Variants in CLEC1A observed in about 807,000 individuals in gnomAD.
The protein encoded by CLEC1A is C-type lectin domain family 1 member A, also known as C-type lectin-like receptor-1.
CLEC1A carries 34 observed loss-of-function variants against 28.7 expected under a neutral mutation model. That is an observed-to-expected ratio of 1.18 (90% CI 0.90 to 1.57). CLEC1A has a LOEUF of 1.57. CLEC1A is among the 40% of genes most tolerant of loss of function. CLEC1A has a pLI of 0.00. For missense variants in CLEC1A, 385 were observed against 339.5 expected, an observed-to-expected ratio of 1.13 and a Z score of -1.05; for synonymous variants, 116 against 121.0, an observed-to-expected ratio of 0.96 and a Z score of 0.27.
At chr12:10,098,007 G>A (rs1947801692) in intron 1 of CLEC1A, among the ~76,000 whole-genome samples, 1 of 150,148 alleles carries the variant, frequency 6.7e-6, no homozygotes, top group Non-Finnish European at 1.5e-5. Flanking sequence ...TTTAGTAGGA[G>A]AAAGGAAGGA....
chr12:10,071,347 C>T lies in CLEC1A; in HGVS notation c.829G>A (p.Gly277Ser), dbSNP rs1219874628. 5 of 1,613,428 alleles carry T rather than the reference C, an allele frequency of 3.1e-6. No individual in the cohort carries two copies. In the South Asian group the frequency reaches 4.4e-5, roughly 14 times the overall value. ...CAGAGGGCGAATCAGTCACCTTCGC[C>T]TAATGTTTCAGGGGGGACATGGAGG... ...ESLHVPPETL[G>S]EGD The change falls in exon 6 of 6, where the codon GGC becomes AGC. Residue 277 changes from glycine to serine, a missense_variant. Transcript: ENST00000315330.
chr12:10,094,937 G>A (rs1242893254), intron 1 of CLEC1A, among the ~76,000 whole-genome samples: 1 of 152,062 alleles, frequency 6.6e-6, no homozygotes, highest in African/African-American at 2.4e-5. Flanking sequence ...CACTTCCTCT[G>A]GGAACTCGCA....
intron 2 of CLEC1A, among the ~76,000 whole-genome samples, chr12:10,083,550 C>T (rs983722638): frequency 3.3e-5 from 5 of 152,172 alleles, no homozygotes; most frequent in African/African-American, 4.8e-5. Flanking sequence ...CTCACTGCAA[C>T]CTGGATCTAC....
chr12:10,098,202 C>T (rs1947803778), intron 1 of CLEC1A, among the ~76,000 whole-genome samples: 1 of 151,894 alleles, frequency 6.6e-6, no homozygotes, highest in Non-Finnish European at 1.5e-5. Flanking sequence ...TCTTAAGAAC[C>T]TAAAGTGTTC....
intron 1 of CLEC1A, among the ~76,000 whole-genome samples, chr12:10,095,477 A>G (rs1277588007): frequency 6.6e-6 from 1 of 152,146 alleles, no homozygotes; most frequent in African/African-American, 2.4e-5. Context: ...CACATCTTAA[A>G]AAATCATTCT....
intron 2 of CLEC1A, among the ~76,000 whole-genome samples, chr12:10,085,453 G>C (rs971424643): frequency 6.9e-6 from 1 of 144,812 alleles, no homozygotes; most frequent in African/African-American, 2.6e-5. Context: ...GGTGGAAAAA[G>C]ATATTCCACG....
At chr12:10,076,150 T>A (rs766999865) in intron 3 of CLEC1A, among the ~76,000 whole-genome samples, 2 of 152,220 alleles carry the variant, frequency 1.3e-5, no homozygotes, top group African/African-American at 2.4e-5. Context: ...GTTAGAATGC[T>A]GAATCTCCAT....
intron 3 of CLEC1A, among the ~76,000 whole-genome samples, chr12:10,077,691 C>A (rs1244753290): frequency 6.6e-6 from 1 of 152,066 alleles, no homozygotes; most frequent in Non-Finnish European, 1.5e-5. Flanking sequence ...AGGCCAATAA[C>A]CCCAGGACGG....
chr12:10,094,041 A>C (rs1947744967), intron 1 of CLEC1A, among the ~76,000 whole-genome samples: 1 of 152,098 alleles, frequency 6.6e-6, no homozygotes, highest in South Asian at 2.1e-4. Context: ...ACATCTAAAA[A>C]CATATGAGCT....
At chr12:10,095,486 C>T (rs189057554) in intron 1 of CLEC1A, among the ~76,000 whole-genome samples, 2 of 152,150 alleles carry the variant, frequency 1.3e-5, no homozygotes, top group Non-Finnish European at 2.9e-5. Flanking sequence ...AAAAATCATT[C>T]TTAAAATCTG....
At chr12:10,080,765 A>T (rs1866350876) in intron 3 of CLEC1A, among the ~76,000 whole-genome samples, 1 of 152,224 alleles carries the variant, frequency 6.6e-6, no homozygotes, top group Non-Finnish European at 1.5e-5. Flanking sequence ...TGTGGTCCTT[A>T]TTAAACTGCA....
At chr12:10,085,684 A>G (rs1347302681) in intron 2 of CLEC1A, among the ~76,000 whole-genome samples, 1 of 152,130 alleles carries the variant, frequency 6.6e-6, no homozygotes, top group Non-Finnish European at 1.5e-5. Context: ...TTACTACTAG[A>G]CCTAAAAAAA....
intron 2 of CLEC1A, among the ~76,000 whole-genome samples, chr12:10,082,763 A>G (rs1866398815): frequency 6.6e-6 from 1 of 152,190 alleles, no homozygotes; most frequent in Non-Finnish European, 1.5e-5. Flanking sequence ...CATTAGAGTA[A>G]CTCAAGACAG....
chr12:10,081,087 C>T lies in CLEC1A; in HGVS notation c.391+150G>A, dbSNP rs1018084766. On this transcript the variant is annotated intron_variant, in intron 3 of 5. Transcript: ENST00000315330. Reference sequence around the variant, plus strand: ...ACAGACACATATGAATCACATGATCCCAACAACTGATCATGATCTTGAAGC... The same window carrying T: ...ACAGACACATATGAATCACATGATCTCAACAACTGATCATGATCTTGAAGC... 5 of 595,650 alleles carry T rather than the reference C, an allele frequency of 8.4e-6. No homozygotes were observed. In the African/African-American group the frequency reaches 9.6e-5, roughly 11 times the overall value. The allele number at this position is 595,650 out of a possible 1,614,324, so 36.9% of individuals were successfully genotyped here. A position where few individuals can be genotyped will look rare whatever the true frequency, so the allele number is the denominator to read the frequency against.
At chr12:10,075,093 C>T (rs1157760009) in intron 4 of CLEC1A, among the ~76,000 whole-genome samples, 2 of 152,194 alleles carry the variant, frequency 1.3e-5, no homozygotes, top group African/African-American at 4.8e-5. Flanking sequence ...TATACATTTG[C>T]AGATTATGGT....
At chr12:10,072,633 G>T (rs1428796091) in intron 5 of CLEC1A, among the ~76,000 whole-genome samples, 1 of 101,426 alleles carries the variant, frequency 9.9e-6, no homozygotes, top group Admixed American at 9.3e-5. Context: ...CTCAGGGAAA[G>T]ATCTCTCTCT....
chr12:10,088,307 G>A (rs1177827489), intron 2 of CLEC1A, among the ~76,000 whole-genome samples: 2 of 152,102 alleles, frequency 1.3e-5, no homozygotes, highest in Non-Finnish European at 2.9e-5. Context: ...GGATCAAAAA[G>A]GGCAACAAGA....
chr12:10,083,400 G>C lies in CLEC1A; in HGVS notation c.215-1987C>G, dbSNP rs1030475242. Among the ~76,000 whole-genome samples the C allele has an allele frequency of 2.6e-5, 4 of 152,178 alleles. No homozygotes were observed. In the East Asian group the frequency reaches 7.7e-4, roughly 29 times the overall value. On this transcript the variant is annotated intron_variant, in intron 2 of 5. Coordinates refer to ENST00000315330, the MANE Select transcript of CLEC1A (RefSeq NM_016511.4). ...AATTGCCAGATAAAGAATTCAGAAG[G>C]TTGATTATTAAGTTACTCAAGGAGA... is the stretch of plus-strand genomic sequence containing the variant.
At chr12:10,095,646 C>T (rs541334884) in intron 1 of CLEC1A, among the ~76,000 whole-genome samples, 78 of 152,192 alleles carry the variant, frequency 5.1e-4, no homozygotes, top group African/African-American at 1.8e-3. Context: ...AAATATTTTC[C>T]TCCTTATTGA....
Sources: allele counts gnomAD v4.1 joint callset (sites outside exome capture counted in the v4.1 genomes callset), GRCh38; gene constraint gnomAD v4.1.1; transcripts MANE v1.5; gene names NCBI Gene and HGNC (gene_info 2026-07-23, HGNC 2026-07-21).